Variants in PCDHA11 observed in about 807,000 individuals in gnomAD.
PCDHA11 encodes protocadherin alpha 11.
Under a neutral mutation model 70.3 loss-of-function variants are expected in PCDHA11, and 61 were observed. The observed-to-expected ratio is 0.87, with a 90% CI of 0.71 to 1.07. The LOEUF is 1.07. PCDHA11 is among the 50% of genes least tolerant of loss of function. The probability of loss-of-function intolerance (pLI) is 0.00; values close to 1 mark genes in which losing one functional copy is unlikely to be tolerated. For synonymous variants in PCDHA11, 633 were observed against 555.1 expected (o/e 1.14, Z -1.97); for missense variants, 1,324 against 1,237.5 (o/e 1.07, Z -1.05).
rs1554165342 is a variant in PCDHA11 at position 140,871,261 on chromosome 5, C to T, written c.2158C>T (p.Leu720=). 3.1e-6 allele frequency: 5 copies of T among 1,613,864 alleles called. No individual in the cohort carries two copies. Among genetic ancestry groups the T allele is most frequent in the Admixed American group, 3.3e-5 (2 of 60,010 alleles). ...ACTCACGCTGCTGCTGTATACGGCG[C>T]TGTGGTGGTCGGCAACGCCCACTGA... ...LVLTLLLYTA[L]WWSATPTEGA... The change falls in exon 1 of 4, where the codon CTG becomes TTG. Residue 720 remains leucine (L), a synonymous_variant. Transcript: ENST00000398640.
intron 1 of PCDHA11, among the ~76,000 whole-genome samples, chr5:140,935,657 T>C (rs2090486652): frequency 1.3e-5 from 2 of 152,176 alleles, no homozygotes; most frequent in Non-Finnish European, 2.9e-5. Flanking sequence ...TTTAATTTTC[T>C]TTTATAATTA....
intron 1 of PCDHA11, among the ~76,000 whole-genome samples, chr5:140,895,558 A>G (rs1449174455): frequency 6.6e-6 from 1 of 152,154 alleles, no homozygotes; most frequent in Non-Finnish European, 1.5e-5. Context: ...AGTTCTTTAT[A>G]TATTCTAGAT....
At chr5:140,993,996 G>C (rs1163632974) in intron 3 of PCDHA11, among the ~76,000 whole-genome samples, 1 of 152,148 alleles carries the variant, frequency 6.6e-6, no homozygotes, top group Non-Finnish European at 1.5e-5. Flanking sequence ...CTTAGGTCAG[G>C]CCAGGCTCTG....
At chr5:140,915,190 G>A (rs1317793585) in intron 1 of PCDHA11, among the ~76,000 whole-genome samples, 1 of 151,978 alleles carries the variant, frequency 6.6e-6, no homozygotes, top group Non-Finnish European at 1.5e-5. Context: ...CTAGTGATCC[G>A]CCCATCTTGG....
chr5:140,883,518 G>A, intron 1 of PCDHA11: 2 of 1,614,234 alleles, frequency 1.2e-6, no homozygotes, highest in South Asian at 1.1e-5. Flanking sequence ...GACCGCGAGA[G>A]CGTATCAGCC....
rs1450871721 is a variant in PCDHA11, at chr5:140,999,541, C to T, written c.2540-10086C>T. 3.3e-5 allele frequency among the ~76,000 whole-genome samples: 5 copies of T among 152,150 alleles called. No individual in the cohort carries two copies. The East Asian group carries it at 9.7e-4, about 29-fold the overall frequency. On this transcript the variant is annotated intron_variant, in intron 3 of 3. Coordinates refer to ENST00000398640, the MANE Select transcript of PCDHA11 (RefSeq NM_018902.5). ...TTTGTTACCCCCTGGATATGACAGC[C>T]AATGAAGAGGGGGTATTTTGAGAAG...
chr5:140,893,929 T>C (rs2064240374), intron 1 of PCDHA11, among the ~76,000 whole-genome samples: 1 of 152,214 alleles, frequency 6.6e-6, no homozygotes, highest in South Asian at 2.1e-4. Flanking sequence ...TCAGAATCTC[T>C]ACCTGTTAAT....
intron 3 of PCDHA11, among the ~76,000 whole-genome samples, chr5:141,006,902 A>T (rs1563704110): frequency 6.6e-6 from 1 of 152,218 alleles, no homozygotes; most frequent in Non-Finnish European, 1.5e-5. Context: ...AGATTTCTTC[A>T]GTTTGGGATG....
intron 3 of PCDHA11, among the ~76,000 whole-genome samples, chr5:141,004,751 T>C (rs1323540564): frequency 2.0e-5 from 3 of 152,182 alleles, no homozygotes; most frequent in African/African-American, 7.2e-5. Flanking sequence ...TCTCAGTCTC[T>C]TAGAGACAGG....
chr5:141,009,374 G>C (rs567366098), intron 3 of PCDHA11, among the ~76,000 whole-genome samples: 1 of 152,216 alleles, frequency 6.6e-6, no homozygotes, highest in African/African-American at 2.4e-5. Context: ...TGGGAGGATT[G>C]ATTGAGCACA....
chr5:140,916,819 C>T (rs2077741305), intron 1 of PCDHA11, among the ~76,000 whole-genome samples: 1 of 152,084 alleles, frequency 6.6e-6, no homozygotes, highest in Non-Finnish European at 1.5e-5. Context: ...CATGTGCCAC[C>T]CCTATCCCTC....
At chr5:140,983,226 T>C (rs892083218) in intron 3 of PCDHA11, among the ~76,000 whole-genome samples, 1 of 152,216 alleles carries the variant, frequency 6.6e-6, no homozygotes, top group Non-Finnish European at 1.5e-5. Context: ...ATCCAAACTT[T>C]CAGGAAAGAG....
intron 3 of PCDHA11, among the ~76,000 whole-genome samples, chr5:141,007,135 C>G (rs1183279253): frequency 2.6e-5 from 4 of 152,074 alleles, no homozygotes; most frequent in Non-Finnish European, 5.9e-5. Context: ...GATGAGGAGA[C>G]TGACAAAGGA....
At chr5:140,951,448 G>A (rs892144078) in intron 1 of PCDHA11, among the ~76,000 whole-genome samples, 74 of 152,022 alleles carry the variant, frequency 4.9e-4, no homozygotes, top group African/African-American at 1.7e-3. Context: ...GCATGATGCC[G>A]GCCATCTGCT....
Position 140,882,403 on chromosome 5 carries a change from G to A in PCDHA11, c.2391+10909G>A, listed in dbSNP as rs536389638. ...AGGAAGCAAAACACGGCACCTTCGTGGGCCGCATCGCTCAGGACCTGGGGC... is the reference window on the plus strand; with the variant it reads ...AGGAAGCAAAACACGGCACCTTCGTAGGCCGCATCGCTCAGGACCTGGGGC... On this transcript the variant is annotated intron_variant, in intron 1 of 3. Transcript: ENST00000398640. 1.9e-5 allele frequency: 31 copies of A among 1,614,168 alleles called. No homozygotes were observed. In the South Asian group the frequency reaches 3.3e-4, roughly 17 times the overall value.
chr5:140,876,524 T>C (rs2056397184), intron 1 of PCDHA11: 1 of 1,614,018 alleles, frequency 6.2e-7, no homozygotes, highest in African/African-American at 1.3e-5. Flanking sequence ...CCTGAAGTAA[T>C]GGTTACTTCA....
chr5:140,999,027 T>A (rs2097843534), intron 3 of PCDHA11, among the ~76,000 whole-genome samples: 1 of 152,262 alleles, frequency 6.6e-6, no homozygotes, highest in Admixed American at 6.5e-5. Flanking sequence ...AGACTTTTGA[T>A]ACTTCGTCCA....
intron 1 of PCDHA11, chr5:140,928,441 C>A: frequency 4.3e-6 from 7 of 1,614,140 alleles, no homozygotes; most frequent in Non-Finnish European, 5.9e-6. Context: ...TGACTTTGAG[C>A]AGCTCAGGGG....
At position 141,010,210 on chromosome 5, in the gene PCDHA11, G is replaced by A. The variant is rs2098416466; in HGVS notation, c.*273G>A. ...AGTTTCCTTTCTCCTCCGCCGCAAA[G>A]GAGAGGCTTCCCAGCCCCGCCAGTG... On this transcript the variant is annotated 3_prime_UTR_variant, in exon 4 of 4. Transcript: ENST00000398640. 4 of 1,551,736 alleles carry A rather than the reference G, an allele frequency of 2.6e-6. No homozygotes were observed. Among genetic ancestry groups the A allele is most frequent in the African/African-American group, 1.4e-5 (1 of 73,050 alleles).
Sources: allele counts gnomAD v4.1 joint callset (sites outside exome capture counted in the v4.1 genomes callset), GRCh38; gene constraint gnomAD v4.1.1; transcripts MANE v1.5; gene names NCBI Gene and HGNC (gene_info 2026-07-23, HGNC 2026-07-21).